Variants in FGF14 observed in about 807,000 individuals in gnomAD.
FGF14 encodes fibroblast growth factor homologous factor 4.
Under a neutral mutation model 25.5 loss-of-function variants are expected in FGF14, and 5 were observed. The ratio of observed to expected loss-of-function variants is 0.20; its 90% CI spans 0.10 to 0.41. FGF14 has a LOEUF of 0.41. FGF14 is among the 10% of genes least tolerant of loss of function. The pLI, the probability that FGF14 is intolerant of heterozygous loss-of-function variation, is 1.00. For missense variants in FGF14, 222 were observed against 320.1 expected, an observed-to-expected ratio of 0.69 and a Z score of 2.34; for synonymous variants, 138 against 118.3, an observed-to-expected ratio of 1.17 and a Z score of -1.08.
chr13:101,801,834 A>C (rs946070787), intron 3 of FGF14: 3 of 230,506 alleles, frequency 1.3e-5, no homozygotes, highest in Non-Finnish European at 2.7e-5. Context: ...AAGCCAAGGC[A>C]TCATGCCCTA....
chr13:102,238,366 T>A (rs574554792), intron 1 of FGF14, among the ~76,000 whole-genome samples: 21 of 152,348 alleles, frequency 1.4e-4, no homozygotes, highest in African/African-American at 5.0e-4. Context: ...GTCTTGTATA[T>A]CCTTTCAACA....
intron 1 of FGF14, among the ~76,000 whole-genome samples, chr13:102,179,230 A>G (rs1273411459): frequency 6.6e-6 from 1 of 152,092 alleles, no homozygotes; most frequent in African/African-American, 2.4e-5. Context: ...TTTCCCAAGA[A>G]TCATGGCTAT....
In FGF14 at chr13:101,715,704, C is replaced by A; in HGVS notation, c.*7127G>T. 3.2e-6 allele frequency: 4 copies of A among 1,238,570 alleles called. No homozygotes were observed. The highest frequency in any genetic ancestry group is 4.8e-6 in the Non-Finnish European group (4 of 837,624). The allele number at this position is 1,238,570 out of a possible 1,614,324, so 76.7% of individuals were successfully genotyped here. A position where few individuals can be genotyped will look rare whatever the true frequency, so the allele number is the denominator to read the frequency against. On this transcript the variant is annotated 3_prime_UTR_variant, in exon 5 of 5. Transcript: ENST00000376143. The stretch of plus-strand genomic sequence containing the variant: ...TCTTATTTTTTCTGGGCCATTAGAA[C>A]AGATAAATGCGAAGGAAACCATGTA...
chr13:102,156,566 CA>C (rs2047351189), intron 1 of FGF14, among the ~76,000 whole-genome samples: 1 of 152,166 alleles, frequency 6.6e-6, no homozygotes, highest in South Asian at 2.1e-4. Context: ...ACTGAATGAA[CA>C]AAAACTGGAA....
intron 1 of FGF14, chr13:102,293,035 T>C (rs1308864083): frequency 6.6e-6 from 1 of 152,266 alleles, no homozygotes; most frequent in East Asian, 1.9e-4. Context: ...AGCAAGATGA[T>C]TGACAGGTAG....
intron 1 of FGF14, among the ~76,000 whole-genome samples, chr13:101,924,776 A>C (rs766826990): frequency 6.6e-6 from 1 of 152,216 alleles, no homozygotes; most frequent in African/African-American, 2.4e-5. Flanking sequence ...TTACACAGCT[A>C]TGAAGTGGAA....
At chr13:101,860,115 A>C (rs1223522440) in intron 3 of FGF14, among the ~76,000 whole-genome samples, 1 of 152,032 alleles carries the variant, frequency 6.6e-6, no homozygotes, top group Non-Finnish European at 1.5e-5. Flanking sequence ...TTTGAGCTTT[A>C]CGTGGTGCAG....
At chr13:101,820,075 A>G (rs2042036977) in intron 3 of FGF14, among the ~76,000 whole-genome samples, 1 of 152,202 alleles carries the variant, frequency 6.6e-6, no homozygotes, top group African/African-American at 2.4e-5. Flanking sequence ...TTACACCGAT[A>G]TAAAGTTATC....
intron 1 of FGF14, among the ~76,000 whole-genome samples, chr13:102,249,360 TA>T (rs982549551): frequency 6.6e-6 from 1 of 152,068 alleles, no homozygotes; most frequent in Non-Finnish European, 1.5e-5. Context: ...GCACAAGTGC[TA>T]AAAAAACAAA....
chr13:102,231,869 T>C (rs1240357957), intron 1 of FGF14, among the ~76,000 whole-genome samples: 1 of 152,118 alleles, frequency 6.6e-6, no homozygotes, highest in Non-Finnish European at 1.5e-5. Context: ...ACTCACAGGG[T>C]CATTATAAGG....
chr13:101,834,006 C>T (rs2042802853), intron 3 of FGF14, among the ~76,000 whole-genome samples: 1 of 152,074 alleles, frequency 6.6e-6, no homozygotes, highest in African/African-American at 2.4e-5. Context: ...CACAAGAGAA[C>T]ACCATAGCTG....
intron 1 of FGF14, among the ~76,000 whole-genome samples, chr13:102,375,814 C>T (rs958590683): frequency 6.6e-6 from 1 of 152,022 alleles, no homozygotes; most frequent in African/African-American, 2.4e-5. Flanking sequence ...TTAAAAAGAT[C>T]AACAACAAAT....
At chr13:101,756,747 AC>A (rs2037688920) in intron 3 of FGF14, among the ~76,000 whole-genome samples, 3 of 152,068 alleles carry the variant, frequency 2.0e-5, no homozygotes, top group African/African-American at 7.3e-5. Context: ...CACCAAAAAA[AC>A]AAAAAACAAA....
At chr13:102,236,767 G>T (rs2051344965) in intron 1 of FGF14, among the ~76,000 whole-genome samples, 1 of 152,148 alleles carries the variant, frequency 6.6e-6, no homozygotes, top group Non-Finnish European at 1.5e-5. Context: ...AGTAAAGTGG[G>T]TGTCTAGTAA....
At chr13:101,917,673 T>C (rs1319031695), upstream of FGF14, among the ~76,000 whole-genome samples, 1 of 151,872 alleles carries the variant, frequency 6.6e-6, no homozygotes, top group Non-Finnish European at 1.5e-5. Flanking sequence ...CCTCCACTCC[T>C]CACCTAGTCC....
intron 1 of FGF14, among the ~76,000 whole-genome samples, chr13:102,324,259 A>G (rs980809270): frequency 1.3e-5 from 2 of 152,102 alleles, no homozygotes; most frequent in Middle Eastern, 3.2e-3. Context: ...TACAACACTA[A>G]TAAGAGCCTC....
intron 1 of FGF14, among the ~76,000 whole-genome samples, chr13:102,134,059 T>A (rs1292311314): frequency 5.3e-5 from 8 of 152,200 alleles, no homozygotes; most frequent in Non-Finnish European, 1.5e-5. Context: ...AAAACACATA[T>A]GTTATATGTA....
chr13:102,092,461 C>T (rs2044208058), intron 1 of FGF14, among the ~76,000 whole-genome samples: 1 of 152,138 alleles, frequency 6.6e-6, no homozygotes, highest in Non-Finnish European at 1.5e-5. Flanking sequence ...AGGCCATTTC[C>T]TTTATGAATT....
At chr13:101,892,551 T>A (rs1459873838) in intron 1 of FGF14, among the ~76,000 whole-genome samples, 1 of 152,134 alleles carries the variant, frequency 6.6e-6, no homozygotes, top group Non-Finnish European at 1.5e-5. Flanking sequence ...GTCCCCAAAA[T>A]ACCCCAAACC....
Sources: allele counts gnomAD v4.1 joint callset (sites outside exome capture counted in the v4.1 genomes callset), GRCh38; gene constraint gnomAD v4.1.1; transcripts MANE v1.5; gene names NCBI Gene and HGNC (gene_info 2026-07-23, HGNC 2026-07-21).